KIAA1217: variants seen among roughly 807,000 people sequenced by gnomAD.
KIAA1217 encodes sickle tail protein homolog.
KIAA1217 carries 88 observed loss-of-function variants against 163.9 expected under a neutral mutation model. The ratio of observed to expected loss-of-function variants is 0.54; its 90% CI spans 0.45 to 0.64. The LOEUF (loss-of-function observed/expected upper bound fraction) is 0.64, where lower values mean the gene tolerates loss of function less well. KIAA1217 is among the 30% of genes least tolerant of loss of function. The pLI is 0.00. For missense variants in KIAA1217, 2,372 were observed against 2,475.0 expected (o/e 0.96, Z 0.88); for synonymous variants, 903 against 923.1 (o/e 0.98, Z 0.39).
chr10:24,224,716 T>C (rs1452688025), intron 2 of KIAA1217, among the ~76,000 whole-genome samples: 1 of 152,158 alleles, frequency 6.6e-6, no homozygotes, highest in East Asian at 1.9e-4. Context: ...GATGGAATCT[T>C]TTACTGTTTC....
chr10:23,926,573 A>G (rs574389381), intron 1 of KIAA1217, among the ~76,000 whole-genome samples: 29 of 152,082 alleles, frequency 1.9e-4, no homozygotes, highest in Admixed American at 7.2e-4. Context: ...AAAAATACAT[A>G]AATTAGCTGG....
At chr10:24,205,449 T>C (rs1204741902), upstream of KIAA1217, among the ~76,000 whole-genome samples, 1 of 151,466 alleles carries the variant, frequency 6.6e-6, no homozygotes, top group African/African-American at 2.4e-5. Context: ...CACTCCAGCC[T>C]GGGCGACAAG....
intron 1 of KIAA1217, among the ~76,000 whole-genome samples, chr10:23,959,673 G>T (rs1844733357): frequency 6.6e-6 from 1 of 152,156 alleles, no homozygotes; most frequent in Non-Finnish European, 1.5e-5. Context: ...ATTTGATGAA[G>T]AGTGGACAGT....
At chr10:23,901,323 G>C (rs10828570) in intron 1 of KIAA1217, among the ~76,000 whole-genome samples, 40,634 of 151,876 alleles carry the variant, frequency 0.27, 5,599 homozygotes, top group Middle Eastern at 0.32. Context: ...TGTGTTAATT[G>C]TTGATATTGA....
intron 1 of KIAA1217, among the ~76,000 whole-genome samples, chr10:23,818,165 C>T (rs1239370728): frequency 7.0e-6 from 1 of 142,120 alleles, no homozygotes; most frequent in African/African-American, 2.6e-5. Context: ...GACAAATTGC[C>T]ATGTACGATG....
In KIAA1217 at chr10:24,219,728, A is replaced by G. The variant is rs2069323419; in HGVS notation, c.173A>G (p.Lys58Arg). The G allele has an allele frequency of 6.2e-7, 1 of 1,614,014 alleles. No individual in the cohort carries two copies. The highest frequency in any genetic ancestry group is 8.5e-7 in the Non-Finnish European group (1 of 1,179,936). Reference protein sequence around the residue: ...SNGNSRGSVSKSSRNIPRRHT... With the variant: ...SNGNSRGSVSRSSRNIPRRHT... ...GGAAACAGTCGTGGTTCAGTTTCCA[A>G]GTCTTCCCGCAATATCCCAAGGAGA... Residue 58 changes from lysine to arginine, a missense_variant, in exon 2 of 21, where the codon AAG (lysine) becomes AGG (arginine). Lys to Arg is a conservative substitution (Grantham distance 26). Around this residue, in one of 3 missense-constraint regions of KIAA1217, gnomAD observed 1,431 missense variants for 1,470.3 expected, o/e 0.97. Coordinates refer to ENST00000376454, the MANE Select transcript of KIAA1217 (RefSeq NM_019590.5).
chr10:23,818,000 T>TACACAC (rs1433150421), intron 1 of KIAA1217, among the ~76,000 whole-genome samples: 1 of 103,228 alleles, frequency 9.7e-6, no homozygotes, highest in Non-Finnish European at 1.9e-5. Flanking sequence ...TATATATATA[T>TACACAC]ATATATATAC....
At chr10:24,238,999 A>G (rs893071250) in intron 2 of KIAA1217, 2 of 196,444 alleles carry the variant, frequency 1.0e-5, no homozygotes, top group African/African-American at 4.7e-5. Flanking sequence ...ACAATTTCAG[A>G]CGATTGTTTA....
At chr10:23,751,327 G>A (rs548820081) in intron 1 of KIAA1217, among the ~76,000 whole-genome samples, 12 of 152,082 alleles carry the variant, frequency 7.9e-5, no homozygotes, top group Admixed American at 1.3e-4. Flanking sequence ...CGTGCCTGGC[G>A]AGAATTTTCT....
intron 4 of KIAA1217, among the ~76,000 whole-genome samples, chr10:24,436,850 A>G (rs2060086282): frequency 6.6e-6 from 1 of 151,720 alleles, no homozygotes; most frequent in Non-Finnish European, 1.5e-5. Flanking sequence ...AAGTTCAGAG[A>G]CAAATTTCAC....
chr10:23,735,699 G>A (rs1225345115), intron 1 of KIAA1217, among the ~76,000 whole-genome samples: 1 of 151,796 alleles, frequency 6.6e-6, no homozygotes, highest in African/African-American at 2.4e-5. Flanking sequence ...TTTCTTTGAT[G>A]GTTATATGTG....
intron 3 of KIAA1217, among the ~76,000 whole-genome samples, chr10:24,384,724 G>C (rs2053782936): frequency 6.6e-6 from 1 of 152,254 alleles, no homozygotes; most frequent in African/African-American, 2.4e-5. Context: ...TTTTAGTAGA[G>C]ACCAGGTTTC....
In KIAA1217 at chr10:23,790,408, C is replaced by CATATGTAT. The variant is rs1835795357; in HGVS notation, c.-321+95178_-321+95179insGTATATAT. On this transcript the variant is annotated intron_variant, in intron 1 of 18. Coordinates refer to the KIAA1217 transcript ENST00000376462. Reference sequence around the variant, plus strand: ...ATACATATGTATATATACATATATACATATACATATATACATATATACATA... The same window carrying CATATGTAT: ...ATACATATGTATATATACATATATACATATGTATATATACATATATACATATATACATA... Among the ~76,000 whole-genome samples the CATATGTAT allele has an allele frequency of 4.8e-5, 5 of 104,650 alleles. 1 individual carries two copies. Among genetic ancestry groups the CATATGTAT allele is most frequent in the Non-Finnish European group, 9.1e-5 (5 of 54,818 alleles). 68.7% of individuals were successfully genotyped at this position (104,650 alleles called of 152,430 possible).
intron 2 of KIAA1217, among the ~76,000 whole-genome samples, chr10:24,087,392 A>G (rs953492791): frequency 6.6e-6 from 1 of 152,174 alleles, no homozygotes; most frequent in African/African-American, 2.4e-5. Context: ...AACCATATGT[A>G]CGGTGTCATT....
At chr10:24,257,233 C>T (rs571960227) in intron 2 of KIAA1217, among the ~76,000 whole-genome samples, 1 of 151,996 alleles carries the variant, frequency 6.6e-6, no homozygotes, top group Non-Finnish European at 1.5e-5. Context: ...TTTCTAATGG[C>T]TTTAAAAAAC....
At chr10:24,512,781 C>T (rs1414288391) in intron 9 of KIAA1217, among the ~76,000 whole-genome samples, 1 of 152,156 alleles carries the variant, frequency 6.6e-6, no homozygotes, top group African/African-American at 2.4e-5. Context: ...CTACACCATG[C>T]GGTATTTCAT....
At chr10:24,414,810 AACAGAAGTG>A (rs2058094154) in intron 3 of KIAA1217, among the ~76,000 whole-genome samples, 1 of 152,128 alleles carries the variant, frequency 6.6e-6, no homozygotes, top group Non-Finnish European at 1.5e-5. Flanking sequence ...TGTGGTTGAG[AACAGAAGTG>A]ACTCTTAAAA....
intron 2 of KIAA1217, among the ~76,000 whole-genome samples, chr10:24,182,918 A>G (rs2066249651): frequency 6.6e-6 from 1 of 152,192 alleles, no homozygotes; most frequent in Non-Finnish European, 1.5e-5. Context: ...ACCAAAATGC[A>G]TGTTAAAAAG....
At chr10:23,893,570 T>C (rs564283254) in intron 1 of KIAA1217, among the ~76,000 whole-genome samples, 24 of 152,016 alleles carry the variant, frequency 1.6e-4, no homozygotes, top group Non-Finnish European at 2.8e-4. Flanking sequence ...TCTAGTTCTT[T>C]TAATTGTGAT....
Sources: allele counts gnomAD v4.1 joint callset (sites outside exome capture counted in the v4.1 genomes callset), GRCh38; gene constraint gnomAD v4.1.1; regional missense constraint gnomAD v4.1.1; transcripts MANE v1.5; gene names NCBI Gene and HGNC (gene_info 2026-07-23, HGNC 2026-07-21).